Variants in HAO1 observed in about 807,000 individuals in gnomAD.
The protein encoded by HAO1 is 2-Hydroxyacid oxidase 1.
Under a neutral mutation model 39.7 loss-of-function variants are expected in HAO1, and 34 were observed. The ratio of observed to expected loss-of-function variants is 0.86; its 90% CI spans 0.65 to 1.14. The LOEUF (loss-of-function observed/expected upper bound fraction) is 1.14, where lower values mean the gene tolerates loss of function less well. Ranked by LOEUF, HAO1 falls within the 50% of genes most tolerant of loss-of-function variation. The pLI, the probability that HAO1 is intolerant of heterozygous loss-of-function variation, is 0.00. For synonymous variants in HAO1, 172 were observed against 173.2 expected, an observed-to-expected ratio of 0.99 and a Z score of 0.05; for missense variants, 479 against 464.5, an observed-to-expected ratio of 1.03 and a Z score of -0.29.
intron 3 of HAO1, among the ~76,000 whole-genome samples, chr20:7,909,383 A>G (rs58651599): frequency 0.11 from 13,486 of 124,360 alleles, 844 homozygotes; most frequent in East Asian, 0.18. Flanking sequence ...ATATATGTAT[A>G]TATATATATA....
intron 3 of HAO1, among the ~76,000 whole-genome samples, chr20:7,907,770 C>G (rs1316411528): frequency 1.3e-5 from 2 of 152,164 alleles, no homozygotes; most frequent in African/African-American, 2.4e-5. Flanking sequence ...GTTCCCCACT[C>G]TAGGGGCAAT....
chr20:7,894,658 C>A (rs2050188860), intron 5 of HAO1, among the ~76,000 whole-genome samples: 1 of 152,158 alleles, frequency 6.6e-6, no homozygotes, highest in Non-Finnish European at 1.5e-5. Flanking sequence ...CATTTCTCTG[C>A]AGCTTTTCAA....
Position 7,936,503 on chromosome 20 carries a change from C to CGTGTGTGTGTGTGTGTGTGTGTGTGTGT in HAO1, c.138-1896_138-1869dup, listed in dbSNP as rs71183082. Among the ~76,000 whole-genome samples, 143 of 109,156 alleles carry CGTGTGTGTGTGTGTGTGTGTGTGTGTGT rather than the reference C, an allele frequency of 1.3e-3. 5 individuals are homozygous for CGTGTGTGTGTGTGTGTGTGTGTGTGTGT. The highest frequency in any genetic ancestry group is 3.7e-3 in the East Asian group (13 of 3,522). 71.6% of individuals were successfully genotyped at this position (109,156 alleles called of 152,430 possible). ...ACAAGCAAATCTGCAGGGCAGCAGC[C>CGTGTGTGTGTGTGTGTGTGTGTGTGTGT]GTGTGTGTGTGTGTGTGTGTGTGTG... On this transcript the variant is annotated intron_variant, in intron 1 of 7. Coordinates refer to ENST00000378789, the MANE Select transcript of HAO1 (RefSeq NM_017545.3).
chr20:7,924,150 A>C (rs2243433), intron 2 of HAO1, among the ~76,000 whole-genome samples: 46,748 of 151,746 alleles, frequency 0.31, 8,523 homozygotes, highest in East Asian at 0.51. Flanking sequence ...CCCTCAGTAC[A>C]CTTAACCATT....
rs2423326 is a variant in HAO1 at position 7,912,993 on chromosome 20, A to G, written c.545+1171T>C. On this transcript the variant is annotated intron_variant, in intron 3 of 7. Transcript: ENST00000378789. ...GTGAAACTTATACAAGACTGCAGCA[A>G]CTTTCGTGGTGAGATTCACTCCACA... is the stretch of plus-strand genomic sequence containing the variant. Among the ~76,000 whole-genome samples, 34,188 of 152,112 alleles carry G rather than the reference A, an allele frequency of 0.22. 4,836 individuals carry two copies. Among genetic ancestry groups the G allele is most frequent in the East Asian group, 0.51 (2,648 of 5,162 alleles).
chr20:7,910,000 G>T (rs557284454), intron 3 of HAO1, among the ~76,000 whole-genome samples: 1 of 152,282 alleles, frequency 6.6e-6, no homozygotes, highest in South Asian at 2.1e-4. Flanking sequence ...AATGAATTTT[G>T]AGTTCAAATC....
chr20:7,936,810 G>A (rs2050414668), intron 1 of HAO1, among the ~76,000 whole-genome samples: 2 of 151,970 alleles, frequency 1.3e-5, no homozygotes, highest in Admixed American at 1.3e-4. Flanking sequence ...AATGGGAACA[G>A]GCATGTTATC....
At chr20:7,923,888 G>C (rs1040661385) in intron 2 of HAO1, among the ~76,000 whole-genome samples, 1 of 152,094 alleles carries the variant, frequency 6.6e-6, no homozygotes, top group Non-Finnish European at 1.5e-5. Context: ...CAAATTAGTA[G>C]AATATGTGTG....
At position 7,930,181 on chromosome 20, in the gene HAO1, T is replaced by C. The variant is rs1203263584; in HGVS notation, c.289+4303A>G. On this transcript the variant is annotated intron_variant, in intron 2 of 7. Coordinates refer to ENST00000378789, the MANE Select transcript of HAO1 (RefSeq NM_017545.3). ...TTCTGAACCTGGCCCCAACTTCTCTTCCTTGCTAGGGTCTAAGTCCCTGGA... is the reference window on the plus strand; with the variant it reads ...TTCTGAACCTGGCCCCAACTTCTCTCCCTTGCTAGGGTCTAAGTCCCTGGA... 2.0e-5 allele frequency among the ~76,000 whole-genome samples: 3 copies of C among 152,130 alleles called. No individual in the cohort carries two copies. The East Asian group carries it at 5.8e-4, about 29-fold the overall frequency.
intron 2 of HAO1, among the ~76,000 whole-genome samples, chr20:7,916,773 G>A (rs1285137536): frequency 6.6e-6 from 1 of 152,198 alleles, no homozygotes; most frequent in Non-Finnish European, 1.5e-5. Flanking sequence ...GTTAGCTACA[G>A]AAGATCTGAG....
intron 2 of HAO1, among the ~76,000 whole-genome samples, chr20:7,929,551 C>A (rs1050551793): frequency 6.6e-6 from 1 of 152,134 alleles, no homozygotes; most frequent in African/African-American, 2.4e-5. Context: ...GGTCACTCTA[C>A]AAACATGCAG....
intron 5 of HAO1, among the ~76,000 whole-genome samples, chr20:7,891,126 GT>G (rs777587832): frequency 2.9e-4 from 44 of 152,308 alleles, no homozygotes; most frequent in Non-Finnish European, 5.3e-4. Flanking sequence ...TCTCCACACT[GT>G]TTTCCATAGT....
intron 1 of HAO1, among the ~76,000 whole-genome samples, chr20:7,939,391 AT>A (rs1160088938): frequency 3.9e-5 from 6 of 152,272 alleles, no homozygotes; most frequent in South Asian, 4.1e-4. Context: ...TGGAAAACTG[AT>A]TTTGAGTGAT....
chr20:7,893,885 G>T (rs1467813102), intron 5 of HAO1, among the ~76,000 whole-genome samples: 2 of 152,272 alleles, frequency 1.3e-5, no homozygotes, highest in African/African-American at 4.8e-5. Context: ...CTATACAGTG[G>T]ACAAGGAGAA....
intron 2 of HAO1, among the ~76,000 whole-genome samples, chr20:7,924,629 G>A (rs2050350740): frequency 6.6e-6 from 1 of 152,052 alleles, no homozygotes; most frequent in African/African-American, 2.4e-5. Flanking sequence ...CATATACCTA[G>A]ATTCAAGCAG....
intron 3 of HAO1, among the ~76,000 whole-genome samples, chr20:7,913,002 GTGAGA>G (rs1271635505): frequency 6.6e-6 from 1 of 152,142 alleles, no homozygotes; most frequent in African/African-American, 2.4e-5. Context: ...AACTTTCGTG[GTGAGA>G]TTCACTCCAC....
chr20:7,918,068 C>T (rs935849144), intron 2 of HAO1, among the ~76,000 whole-genome samples: 1 of 152,088 alleles, frequency 6.6e-6, no homozygotes, highest in Non-Finnish European at 1.5e-5. Context: ...AATTGGCATC[C>T]CCAAAATTAT....
chr20:7,931,426 G>T (rs1251671049), intron 2 of HAO1, among the ~76,000 whole-genome samples: 1 of 152,130 alleles, frequency 6.6e-6, no homozygotes, highest in Non-Finnish European at 1.5e-5. Context: ...TCTGGAGACA[G>T]AATACCTCTG....
intron 2 of HAO1, among the ~76,000 whole-genome samples, chr20:7,914,677 T>C (rs999465676): frequency 6.6e-6 from 1 of 152,224 alleles, no homozygotes; most frequent in Non-Finnish European, 1.5e-5. Flanking sequence ...TTCCACACTT[T>C]GTATATTGTT....
Sources: allele counts gnomAD v4.1 joint callset (sites outside exome capture counted in the v4.1 genomes callset), GRCh38; gene constraint gnomAD v4.1.1; transcripts MANE v1.5; gene names NCBI Gene and HGNC (gene_info 2026-07-23, HGNC 2026-07-21).